PLCL2: variants seen among roughly 807,000 people sequenced by gnomAD.
PLCL2 encodes the protein phospholipase C like 2.
Under a neutral mutation model 79.6 loss-of-function variants are expected in PLCL2, and 4 were observed. That is an observed-to-expected ratio of 0.05 (90% CI 0.02 to 0.11). The LOEUF is 0.11. Ranked by LOEUF, PLCL2 falls within the 10% of genes least tolerant of loss-of-function variation. The pLI is 1.00. For missense variants in PLCL2, 895 were observed against 1,291.0 expected, an observed-to-expected ratio of 0.69 and a Z score of 4.70; for synonymous variants, 484 against 457.7, an observed-to-expected ratio of 1.06 and a Z score of -0.73.
intron 1 of PLCL2, among the ~76,000 whole-genome samples, chr3:16,898,712 G>A (rs190278754): frequency 5.3e-5 from 8 of 152,322 alleles, no homozygotes; most frequent in African/African-American, 1.7e-4. Flanking sequence ...AAATAACAGG[G>A]CTTGATAAAG....
At chr3:17,048,071 A>AG (rs2064799682) in intron 4 of PLCL2, among the ~76,000 whole-genome samples, 1 of 144,846 alleles carries the variant, frequency 6.9e-6, no homozygotes, top group East Asian at 2.0e-4. Flanking sequence ...ACCTGGATTT[A>AG]ATTGCTCAGA....
At position 16,903,108 on chromosome 3, in the gene PLCL2, G is replaced by A. The variant is rs114834963; in HGVS notation, c.327+17742G>A. ...GCATATTTGCATGCCAGAGAGGGAC[G>A]ATTTTTAAGTATTTTGAAAAGGAGT... On this transcript the variant is annotated intron_variant, in intron 1 of 5. Coordinates refer to ENST00000615277, the MANE Select transcript of PLCL2 (RefSeq NM_001144382.2). 5.0e-3 allele frequency among the ~76,000 whole-genome samples: 765 copies of A among 152,024 alleles called. 3 individuals carry two copies. The highest frequency in any genetic ancestry group is 0.018 in the African/African-American group (747 of 41,478).
intron 1 of PLCL2, among the ~76,000 whole-genome samples, chr3:16,959,673 T>G (rs4684305): frequency 0.18 from 27,240 of 152,104 alleles, 2,985 homozygotes; most frequent in East Asian, 0.53. Flanking sequence ...ACCTCTATGC[T>G]GATGGCTTCC....
At chr3:16,938,696 T>C (rs1274124979) in intron 1 of PLCL2, among the ~76,000 whole-genome samples, 1 of 152,182 alleles carries the variant, frequency 6.6e-6, no homozygotes, top group Non-Finnish European at 1.5e-5. Flanking sequence ...CTGGAAGCCT[T>C]CTTGGAAATG....
At chr3:16,941,180 C>T (rs1443650242) in intron 1 of PLCL2, among the ~76,000 whole-genome samples, 2 of 152,222 alleles carry the variant, frequency 1.3e-5, no homozygotes, top group African/African-American at 4.8e-5. Flanking sequence ...CTGCTGTATG[C>T]TCATGACTGT....
chr3:16,890,325 G>A (rs1302727174), intron 1 of PLCL2, among the ~76,000 whole-genome samples: 1 of 152,096 alleles, frequency 6.6e-6, no homozygotes, highest in Non-Finnish European at 1.5e-5. Flanking sequence ...ATTAATTGCT[G>A]ATATTGGCCA....
chr3:16,945,977 C>T (rs559319012), intron 1 of PLCL2, among the ~76,000 whole-genome samples: 7 of 152,284 alleles, frequency 4.6e-5, no homozygotes, highest in South Asian at 2.1e-4. Flanking sequence ...ACCATCACAT[C>T]GGATCCCTTT....
intron 1 of PLCL2, among the ~76,000 whole-genome samples, chr3:16,906,846 T>C (rs918398904): frequency 6.6e-6 from 1 of 152,200 alleles, no homozygotes; most frequent in Non-Finnish European, 1.5e-5. Context: ...AGGAAAAACA[T>C]GCTAAAAATA....
chr3:17,012,433 G>A (rs1314701466), intron 2 of PLCL2, among the ~76,000 whole-genome samples: 2 of 152,120 alleles, frequency 1.3e-5, no homozygotes, highest in East Asian at 3.9e-4. Context: ...CTGCTGAACA[G>A]TTCCTTGTTT....
chr3:16,896,258 G>A (rs977761327), intron 1 of PLCL2, among the ~76,000 whole-genome samples: 2 of 152,242 alleles, frequency 1.3e-5, no homozygotes, highest in Middle Eastern at 3.4e-3. Flanking sequence ...ACACTTGTAC[G>A]TGGTGAGACC....
chr3:16,901,353 G>T (rs1696614940), intron 1 of PLCL2, among the ~76,000 whole-genome samples: 1 of 152,188 alleles, frequency 6.6e-6, no homozygotes, highest in African/African-American at 2.4e-5. Flanking sequence ...TGAGGTCAAG[G>T]TCTCAGGCTG....
At chr3:17,088,609 G>A (rs937337877) in intron 5 of PLCL2, among the ~76,000 whole-genome samples, 2 of 152,148 alleles carry the variant, frequency 1.3e-5, no homozygotes, top group African/African-American at 4.8e-5. Flanking sequence ...CGATAATTTT[G>A]GAATTGTTGG....
chr3:16,986,088 C>T (rs1199708427), intron 1 of PLCL2, among the ~76,000 whole-genome samples: 2 of 151,660 alleles, frequency 1.3e-5, no homozygotes, highest in Non-Finnish European at 2.9e-5. Flanking sequence ...TGAACAGGCA[C>T]AAGGAGCTGT....
At chr3:16,944,015 G>A (rs944872286) in intron 1 of PLCL2, among the ~76,000 whole-genome samples, 5 of 152,168 alleles carry the variant, frequency 3.3e-5, no homozygotes, top group Non-Finnish European at 5.9e-5. Context: ...GGGAGAAGTG[G>A]AATAGGCAAT....
intron 1 of PLCL2, among the ~76,000 whole-genome samples, chr3:16,943,206 T>A (rs1393408091): frequency 6.6e-6 from 1 of 152,254 alleles, no homozygotes; most frequent in Admixed American, 6.5e-5. Flanking sequence ...AATAATATCC[T>A]TGTGCTTCTT....
intron 1 of PLCL2, among the ~76,000 whole-genome samples, chr3:16,906,134 C>T (rs368406893): frequency 6.6e-6 from 1 of 151,760 alleles, no homozygotes; most frequent in Non-Finnish European, 1.5e-5. Context: ...TATATTAAAA[C>T]GTTTTATCTG....
At position 17,090,187 on chromosome 3, in the gene PLCL2, A is replaced by G. The variant is rs547896935; in HGVS notation, c.*275A>G. On this transcript the variant is annotated 3_prime_UTR_variant, in exon 6 of 6. Transcript: ENST00000615277. ...CTCAGTTCCAGTATGAAGAAAGATT[A>G]TTCACTCTAGCTCCACTGAGAAACA... 15 of 1,106,416 alleles carry G rather than the reference A, an allele frequency of 1.4e-5. 1 individual carries two copies. In the South Asian group the frequency reaches 5.0e-4, roughly 37 times the overall value. The allele number at this position is 1,106,416 out of a possible 1,614,324, so 68.5% of individuals were successfully genotyped here.
chr3:16,972,326 T>C (rs2063879763), intron 1 of PLCL2, among the ~76,000 whole-genome samples: 2 of 152,304 alleles, frequency 1.3e-5, no homozygotes, highest in East Asian at 1.9e-4. Context: ...AGCAACTTGA[T>C]TTATATTTTT....
intron 1 of PLCL2, among the ~76,000 whole-genome samples, chr3:16,965,259 C>T (rs2063795355): frequency 6.6e-6 from 1 of 152,162 alleles, no homozygotes; most frequent in South Asian, 2.1e-4. Flanking sequence ...TTTCCCAGCA[C>T]CGTTTATTAA....
Sources: allele counts gnomAD v4.1 joint callset (sites outside exome capture counted in the v4.1 genomes callset), GRCh38; gene constraint gnomAD v4.1.1; transcripts MANE v1.5; gene names NCBI Gene and HGNC (gene_info 2026-07-23, HGNC 2026-07-21).